HECW2: variants seen among roughly 807,000 people sequenced by gnomAD.
HECW2 encodes the protein HECT, C2 and WW domain containing E3 ubiquitin protein ligase 2.
Under a neutral mutation model 175.2 loss-of-function variants are expected in HECW2, and 61 were observed. The ratio of observed to expected loss-of-function variants is 0.35; its 90% CI spans 0.28 to 0.43. HECW2 has a LOEUF of 0.43. Ranked by LOEUF, HECW2 falls within the 20% of genes least tolerant of loss-of-function variation. HECW2 has a pLI of 1.00. For missense variants in HECW2, 1,524 were observed against 2,000.5 expected (o/e 0.76, Z 4.54); for synonymous variants, 671 against 731.0 (o/e 0.92, Z 1.32).
intron 1 of HECW2, among the ~76,000 whole-genome samples, chr2:196,584,776 T>C (rs1171916224): frequency 6.6e-6 from 1 of 152,164 alleles, no homozygotes; most frequent in Non-Finnish European, 1.5e-5. Context: ...GAATTACACT[T>C]CAGGTTTTCC....
Position 196,406,403 on chromosome 2 carries a change from C to A in HECW2, c.292+26729G>T, listed in dbSNP as rs532268234. Among the ~76,000 whole-genome samples, 4 of 152,300 alleles carry A rather than the reference C, an allele frequency of 2.6e-5. No individual in the cohort carries two copies. The East Asian group carries it at 7.7e-4, about 29-fold the overall frequency. ...TCTTTATACCATCTTCAGTGATACCCTACACATATTCTACTTTTATCAACT... is the reference window on the plus strand; with the variant it reads ...TCTTTATACCATCTTCAGTGATACCATACACATATTCTACTTTTATCAACT... On this transcript the variant is annotated intron_variant, in intron 2 of 28. Coordinates refer to ENST00000644978, the MANE Select transcript of HECW2 (RefSeq NM_001348768.2).
chr2:196,412,293 C>T (rs1218848102), intron 2 of HECW2, among the ~76,000 whole-genome samples: 1 of 152,152 alleles, frequency 6.6e-6, no homozygotes, highest in Non-Finnish European at 1.5e-5. Flanking sequence ...TGCAGGTGAC[C>T]GTCTTCATGT....
chr2:196,520,794 A>G (rs954466893), intron 1 of HECW2, among the ~76,000 whole-genome samples: 2 of 152,224 alleles, frequency 1.3e-5, no homozygotes, highest in Admixed American at 1.3e-4. Flanking sequence ...AGATGAAAAC[A>G]GGTAGGTCAG....
intron 3 of HECW2, among the ~76,000 whole-genome samples, chr2:196,340,895 A>G (rs1692725933): frequency 6.6e-6 from 1 of 151,764 alleles, no homozygotes; most frequent in East Asian, 1.9e-4. Context: ...TTTATGTGAG[A>G]AGAATTAAGG....
intron 3 of HECW2, among the ~76,000 whole-genome samples, chr2:196,334,739 C>T (rs1041802917): frequency 6.6e-6 from 1 of 152,128 alleles, no homozygotes; most frequent in Admixed American, 6.5e-5. Context: ...AAATGATGCA[C>T]CAAAACAACA....
chr2:196,427,879 T>C (rs1263048119), intron 2 of HECW2, among the ~76,000 whole-genome samples: 4 of 152,182 alleles, frequency 2.6e-5, no homozygotes, highest in Non-Finnish European at 4.4e-5. Flanking sequence ...AAATAATGCT[T>C]TGATATTTTC....
At chr2:196,564,291 T>G (rs946587909) in intron 1 of HECW2, among the ~76,000 whole-genome samples, 1 of 152,186 alleles carries the variant, frequency 6.6e-6, no homozygotes, top group Non-Finnish European at 1.5e-5. Flanking sequence ...GACAATCAAA[T>G]GCAATGTGTG....
intron 13 of HECW2, among the ~76,000 whole-genome samples, chr2:196,303,736 C>A (rs1691156345): frequency 6.6e-6 from 1 of 152,260 alleles, no homozygotes; most frequent in East Asian, 1.9e-4. Flanking sequence ...GTTTGTATTT[C>A]TGTGGGGTCA....
intron 1 of HECW2, among the ~76,000 whole-genome samples, chr2:196,481,496 C>T (rs962369699): frequency 6.6e-5 from 10 of 152,306 alleles, no homozygotes; most frequent in East Asian, 1.9e-4. Flanking sequence ...CACCGGCAGA[C>T]CATCTCCCTA....
chr2:196,248,757 T>C (rs1688750447), intron 19 of HECW2, among the ~76,000 whole-genome samples: 1 of 152,032 alleles, frequency 6.6e-6, no homozygotes, highest in East Asian at 1.9e-4. Context: ...TAAGACTTTG[T>C]GGTGGGAGAA....
chr2:196,240,395 T>A, intron 21 of HECW2, 54 bp downstream of exon 21: 14 of 1,291,004 alleles, frequency 1.1e-5, no homozygotes, highest in Non-Finnish European at 1.5e-5. Context: ...TGGAGAAACA[T>A]CCGCCTTGTG....
At chr2:196,561,432 C>T (rs1236724392) in intron 1 of HECW2, among the ~76,000 whole-genome samples, 3 of 152,182 alleles carry the variant, frequency 2.0e-5, no homozygotes, top group South Asian at 2.1e-4. Flanking sequence ...CTTGTGATCC[C>T]GCCCTGACCT....
chr2:196,323,504 T>C (rs1380967777), intron 6 of HECW2, among the ~76,000 whole-genome samples: 4 of 152,222 alleles, frequency 2.6e-5, no homozygotes, highest in Non-Finnish European at 5.9e-5. Context: ...AACTTTTCAC[T>C]TAGGTGCCTC....
At chr2:196,521,843 T>C (rs1402471673) in intron 1 of HECW2, among the ~76,000 whole-genome samples, 2 of 150,046 alleles carry the variant, frequency 1.3e-5, no homozygotes, top group Non-Finnish European at 3.0e-5. Context: ...TAGTATTCCA[T>C]GGTGTATATG....
intron 2 of HECW2, among the ~76,000 whole-genome samples, chr2:196,347,841 T>C (rs942409413): frequency 6.6e-6 from 1 of 152,278 alleles, no homozygotes; most frequent in African/African-American, 2.4e-5. Context: ...AATTTTTCTT[T>C]GATGTGATCA....
At chr2:196,223,268 C>G (rs1184025685) in intron 23 of HECW2, among the ~76,000 whole-genome samples, 1 of 152,108 alleles carries the variant, frequency 6.6e-6, no homozygotes, top group Non-Finnish European at 1.5e-5. Context: ...CTTTTAAAAT[C>G]TATGTCACAC....
At chr2:196,503,990 A>C (rs1025891422) in intron 1 of HECW2, among the ~76,000 whole-genome samples, 8 of 152,016 alleles carry the variant, frequency 5.3e-5, no homozygotes, top group African/African-American at 1.7e-4. Context: ...TCCAACGCCG[A>C]CTTCATTAAA....
chr2:196,394,160 GA>G lies in HECW2; in HGVS notation c.292+38971del. ...TGGGGCCTGTCCGGGGGTGAGGGGGGAGAGGGGGGAGGGATAGCATTAGGAG... is the reference window on the plus strand; with the variant it reads ...TGGGGCCTGTCCGGGGGTGAGGGGGGGAGGGGGGAGGGATAGCATTAGGAG... On this transcript the variant is annotated intron_variant, in intron 2 of 28. Transcript: ENST00000644978. Among the ~76,000 whole-genome samples, 6 of 150,514 alleles carry G rather than the reference GA, an allele frequency of 4.0e-5. 1 individual carries two copies. Among genetic ancestry groups the G allele is most frequent in the Admixed American group, 4.0e-4 (6 of 15,122 alleles).
intron 2 of HECW2, among the ~76,000 whole-genome samples, chr2:196,432,064 T>C (rs1695728996): frequency 6.6e-6 from 1 of 152,208 alleles, no homozygotes; most frequent in Non-Finnish European, 1.5e-5. Flanking sequence ...AGGGAGGCTG[T>C]CCTTTACATT....
Sources: allele counts gnomAD v4.1 joint callset (sites outside exome capture counted in the v4.1 genomes callset), GRCh38; gene constraint gnomAD v4.1.1; transcripts MANE v1.5; gene names NCBI Gene and HGNC (gene_info 2026-07-23, HGNC 2026-07-21).